Variants in CMC1 observed in about 807,000 individuals in gnomAD.
CMC1 encodes COX assembly mitochondrial protein homolog.
Under a neutral mutation model 14.1 loss-of-function variants are expected in CMC1, and 14 were observed. The ratio of observed to expected loss-of-function variants is 0.99; its 90% confidence interval spans 0.66 to 1.55. The LOEUF is 1.55. CMC1 is among the 40% of genes most tolerant of loss of function. The probability of loss-of-function intolerance (pLI) is 0.00; values close to 1 mark genes in which losing one functional copy is unlikely to be tolerated. For missense variants in CMC1, 127 were observed against 123.8 expected, an observed-to-expected ratio of 1.03 and a Z score of -0.12; for synonymous variants, 50 against 38.4, an observed-to-expected ratio of 1.30 and a Z score of -1.12.
chr3:28,294,326 C>G (rs963035773), intron 2 of CMC1: 1 of 170,182 alleles, frequency 5.9e-6, no homozygotes, highest in African/African-American at 2.4e-5. Flanking sequence ...TATTTTCTTA[C>G]GGAATAGGCT....
chr3:28,255,821 A>G (rs1421820754), intron 1 of CMC1, among the ~76,000 whole-genome samples: 1 of 151,968 alleles, frequency 6.6e-6, no homozygotes, highest in Admixed American at 6.6e-5. Flanking sequence ...TAGTTTGTCT[A>G]CCTTTACATA....
In CMC1 at chr3:28,321,272, T is replaced by C. The variant is rs1473804060; in HGVS notation, c.*1643T>C. Reference sequence around the variant, plus strand: ...TTCCTAGAGCACAGGAAGTTAACTGTTTTTAGAGATAAATGAAAATGGAAG... The same window carrying C: ...TTCCTAGAGCACAGGAAGTTAACTGCTTTTAGAGATAAATGAAAATGGAAG... On this transcript the variant is annotated 3_prime_UTR_variant, in exon 4 of 4. Coordinates refer to ENST00000466830, the MANE Select transcript of CMC1 (RefSeq NM_182523.2). 6.6e-6 allele frequency: 1 copy of C among 151,324 alleles called. No homozygotes were observed. The highest frequency in any genetic ancestry group is 1.5e-5 in the Non-Finnish European group (1 of 67,536). 9.4% of individuals were successfully genotyped at this position (151,324 alleles called of 1,614,324 possible).
At position 28,323,344 on chromosome 3, in the gene CMC1, C is replaced by A. The variant is rs569461664; in HGVS notation, c.*3715C>A. The A allele has an allele frequency of 1.4e-5, 2 of 147,950 alleles. No individual in the cohort carries two copies. Among genetic ancestry groups the A allele is most frequent in the South Asian group, 4.2e-4 (2 of 4,724 alleles). The allele number at this position is 147,950 out of a possible 1,614,324, so 9.2% of individuals were successfully genotyped here. ...CATTTGTTTACACCCCAGAGTTTTTCAACTATTTCATTTTTTTTTTTTTTT... is the reference window on the plus strand; with the variant it reads ...CATTTGTTTACACCCCAGAGTTTTTAAACTATTTCATTTTTTTTTTTTTTT... On this transcript the variant is annotated 3_prime_UTR_variant, in exon 4 of 4. Transcript: ENST00000466830.
intron 2 of CMC1, among the ~76,000 whole-genome samples, chr3:28,301,593 T>C (rs532533776): frequency 3.5e-4 from 53 of 152,122 alleles, no homozygotes; most frequent in Admixed American, 3.4e-3. Context: ...TCTACTGCGA[T>C]CGAATTTGGA....
chr3:28,313,246 G>A (rs539462225), intron 2 of CMC1, among the ~76,000 whole-genome samples: 1 of 152,064 alleles, frequency 6.6e-6, no homozygotes, highest in Admixed American at 6.6e-5. Context: ...AGACTTTTAT[G>A]TTCTTGATAT....
rs1402526037 is a variant in CMC1, at chr3:28,241,857, G to A, written c.19+45G>A. On this transcript the variant is annotated intron_variant, in intron 1 of 3. Coordinates refer to ENST00000466830, the MANE Select transcript of CMC1 (RefSeq NM_182523.2). ...GGTTTGCCGAGGGGCCTCGCCCCGG[G>A]TCTCACGCCGCGGGCCATGCGGGCT... The A allele has an allele frequency of 1.1e-5, 13 of 1,235,070 alleles. No individual in the cohort carries two copies. In the African/African-American group the frequency reaches 1.4e-4, roughly 13 times the overall value. 76.5% of individuals were successfully genotyped at this position (1,235,070 alleles called of 1,614,324 possible). A position where few individuals can be genotyped will look rare whatever the true frequency, so the allele number is the denominator to read the frequency against.
chr3:28,255,738 C>CACACACACACACACACAT (rs1559402312), intron 1 of CMC1, among the ~76,000 whole-genome samples: 3 of 151,438 alleles, frequency 2.0e-5, no homozygotes, highest in African/African-American at 7.3e-5. Flanking sequence ...CACACACACA[C>CACACACACACACACACAT]ACACACACAC....
intron 1 of CMC1, among the ~76,000 whole-genome samples, chr3:28,258,201 CT>C (rs1464684318): frequency 6.6e-6 from 1 of 150,382 alleles, no homozygotes; most frequent in Non-Finnish European, 1.5e-5. Flanking sequence ...GACTCAAGTC[CT>C]TTGTTATATA....
intron 2 of CMC1, among the ~76,000 whole-genome samples, chr3:28,280,787 C>T (rs1700847728): frequency 6.6e-6 from 1 of 152,154 alleles, no homozygotes; most frequent in African/African-American, 2.4e-5. Context: ...AAGATACATA[C>T]ATTTGTAGTC....
chr3:28,318,412 T>A (rs1703041174), intron 3 of CMC1: 1 of 151,862 alleles, frequency 6.6e-6, no homozygotes, highest in Non-Finnish European at 1.5e-5. Context: ...TTTTTCCCAT[T>A]TTCCCAAAAT....
intron 2 of CMC1, among the ~76,000 whole-genome samples, chr3:28,282,146 C>T (rs570930127): frequency 1.1e-4 from 16 of 152,188 alleles, no homozygotes; most frequent in South Asian, 4.2e-4. Context: ...ACAAATAAAA[C>T]GGAAAGATTA....
intron 1 of CMC1, among the ~76,000 whole-genome samples, chr3:28,250,402 T>C (rs1699073632): frequency 6.6e-6 from 1 of 152,140 alleles, no homozygotes; most frequent in Non-Finnish European, 1.5e-5. Flanking sequence ...AGATGGAAAA[T>C]AAAGACTGAG....
intron 1 of CMC1, among the ~76,000 whole-genome samples, chr3:28,252,199 G>C (rs1699165281): frequency 6.6e-6 from 1 of 152,164 alleles, no homozygotes; most frequent in Non-Finnish European, 1.5e-5. Flanking sequence ...TGCAGAATCT[G>C]AGGTCCAAGA....
At position 28,319,888 on chromosome 3, in the gene CMC1, G is replaced by T; in HGVS notation, c.*259G>T. 1 of 251,546 alleles carries T rather than the reference G, an allele frequency of 4.0e-6. No individual in the cohort carries two copies. Among genetic ancestry groups the T allele is most frequent in the South Asian group, 9.2e-5 (1 of 10,850 alleles). The allele number at this position is 251,546 out of a possible 1,614,324, so 15.6% of individuals were successfully genotyped here. A position where few individuals can be genotyped will look rare whatever the true frequency, so the allele number is the denominator to read the frequency against. The stretch of plus-strand genomic sequence containing the variant: ...ACTATAGTTCTATAACAGTGATACT[G>T]ATTTTTTAGAGTTCAATATGGTCCT... On this transcript the variant is annotated 3_prime_UTR_variant, in exon 4 of 4. Coordinates refer to ENST00000466830, the MANE Select transcript of CMC1 (RefSeq NM_182523.2).
At chr3:28,261,286 G>A (rs1699723773) in intron 1 of CMC1, among the ~76,000 whole-genome samples, 1 of 151,962 alleles carries the variant, frequency 6.6e-6, no homozygotes, top group Non-Finnish European at 1.5e-5. Flanking sequence ...CTGTAGTGTG[G>A]TTTTGTTACC....
intron 2 of CMC1, among the ~76,000 whole-genome samples, chr3:28,289,321 T>C (rs945955984): frequency 4.6e-5 from 7 of 152,004 alleles, no homozygotes; most frequent in African/African-American, 1.7e-4. Context: ...TTCGTTTTGT[T>C]TATCTTACTA....
chr3:28,272,997 TG>T (rs1337569715), intron 2 of CMC1, among the ~76,000 whole-genome samples: 2 of 152,204 alleles, frequency 1.3e-5, no homozygotes, highest in Non-Finnish European at 2.9e-5. Flanking sequence ...CTTTTTTTGT[TG>T]TATCTGTGCC....
At chr3:28,314,827 T>C (rs1442073575) in intron 2 of CMC1, among the ~76,000 whole-genome samples, 1 of 152,144 alleles carries the variant, frequency 6.6e-6, no homozygotes, top group Non-Finnish European at 1.5e-5. Context: ...TTTAAAAATA[T>C]TTTTGTTACA....
chr3:28,304,352 A>T (rs1401743877), intron 2 of CMC1, among the ~76,000 whole-genome samples: 1 of 152,010 alleles, frequency 6.6e-6, no homozygotes, highest in Non-Finnish European at 1.5e-5. Context: ...TAGTCCCCAA[A>T]GATGTCTCAG....
Sources: allele counts gnomAD v4.1 joint callset (sites outside exome capture counted in the v4.1 genomes callset), GRCh38; gene constraint gnomAD v4.1.1; transcripts MANE v1.5; gene names NCBI Gene and HGNC (gene_info 2026-07-23, HGNC 2026-07-21).